The following MIPEP variants were observed in gnomAD, a reference collection of about 807,000 sequenced individuals.
MIPEP encodes mitochondrial intermediate peptidase.
Under a neutral mutation model 90.3 loss-of-function variants are expected in MIPEP, and 79 were observed. The ratio of observed to expected loss-of-function variants is 0.87; its 90% CI spans 0.73 to 1.05. The LOEUF (loss-of-function observed/expected upper bound fraction) is 1.05. MIPEP is among the 50% of genes least tolerant of loss of function. The pLI, the probability that MIPEP is intolerant of heterozygous loss-of-function variation, is 0.00. For synonymous variants in MIPEP, 334 were observed against 315.8 expected, an observed-to-expected ratio of 1.06 and a Z score of -0.61; for missense variants, 940 against 905.6, an observed-to-expected ratio of 1.04 and a Z score of -0.49.
In MIPEP at chr13:23,843,636, G is replaced by A. The variant is rs184526677; in HGVS notation, c.1107-2148C>T. 3.9e-5 allele frequency among the ~76,000 whole-genome samples: 6 copies of A among 152,318 alleles called. No homozygotes were observed. In the East Asian group the frequency reaches 1.2e-3, roughly 29 times the overall value. ...TGGGAGACAGCTTCTGTAGGCCATA[G>A]GGGAGCATCTGATGTTTTCTGGAAT... On this transcript the variant is annotated intron_variant, in intron 10 of 18. Coordinates refer to ENST00000382172, the MANE Select transcript of MIPEP (RefSeq NM_005932.4).
chr13:23,813,938 TAAAG>T (rs1331521198), intron 14 of MIPEP, among the ~76,000 whole-genome samples: 2 of 152,178 alleles, frequency 1.3e-5, no homozygotes, highest in Admixed American at 6.5e-5. Flanking sequence ...TTTGCTACAT[TAAAG>T]AAACAGAATT....
intron 10 of MIPEP, among the ~76,000 whole-genome samples, chr13:23,848,981 C>T (rs1869678383): frequency 6.6e-6 from 1 of 152,186 alleles, no homozygotes; most frequent in Non-Finnish European, 1.5e-5. Context: ...CCCACATGAC[C>T]AGCCAGTCAG....
intron 16 of MIPEP, among the ~76,000 whole-genome samples, chr13:23,775,882 C>G (rs1212969033): frequency 6.6e-6 from 1 of 152,118 alleles, no homozygotes. Flanking sequence ...AATGAAACAA[C>G]TAAACTCTGG....
chr13:23,873,487 A>C (rs895199813), intron 5 of MIPEP, among the ~76,000 whole-genome samples: 1 of 152,222 alleles, frequency 6.6e-6, no homozygotes, highest in Non-Finnish European at 1.5e-5. Context: ...CTTGGTCTAA[A>C]AAAAGCCAGG....
At position 23,758,170 on chromosome 13, in the gene MIPEP, G is replaced by A. The variant is rs1430183163; in HGVS notation, c.1971-1552C>T. ...GGCTGAGGGGCCCTGCCTGACTCCC[G>A]ACCTGGGGTGCTCTGAGGCCCTTCT... On this transcript the variant is annotated intron_variant, in intron 17 of 18. Transcript: ENST00000382172. 3.3e-5 allele frequency among the ~76,000 whole-genome samples: 5 copies of A among 152,250 alleles called. No individual in the cohort carries two copies. In the East Asian group the frequency reaches 5.8e-4, roughly 18 times the overall value.
intron 5 of MIPEP, among the ~76,000 whole-genome samples, chr13:23,872,830 A>C (rs1381742629): frequency 1.3e-5 from 2 of 152,226 alleles, no homozygotes; most frequent in Non-Finnish European, 2.9e-5. Context: ...GGATACATTA[A>C]AACTATTCAC....
chr13:23,816,243 G>A (rs944505216), intron 14 of MIPEP, among the ~76,000 whole-genome samples: 1 of 151,990 alleles, frequency 6.6e-6, no homozygotes, highest in Non-Finnish European at 1.5e-5. Context: ...TATTTCTCCG[G>A]CCTTGTTATT....
chr13:23,835,024 CTT>C (rs57093490), intron 14 of MIPEP, among the ~76,000 whole-genome samples: 6 of 134,790 alleles, frequency 4.5e-5, no homozygotes, highest in Admixed American at 7.6e-5. Context: ...ATCCATTATT[CTT>C]TTTTTTTTTT....
intron 7 of MIPEP, among the ~76,000 whole-genome samples, chr13:23,865,959 C>T (rs1273147459): frequency 6.6e-6 from 1 of 152,118 alleles, no homozygotes; most frequent in Non-Finnish European, 1.5e-5. Context: ...GCATGAGACA[C>T]CACATCTGGC....
intron 14 of MIPEP, among the ~76,000 whole-genome samples, chr13:23,823,515 A>G (rs1021968251): frequency 6.6e-6 from 1 of 152,150 alleles, no homozygotes; most frequent in African/African-American, 2.4e-5. Flanking sequence ...GTGATCAATA[A>G]TAGCACTCCT....
At chr13:23,887,651 G>A (rs1251106582) in intron 1 of MIPEP, among the ~76,000 whole-genome samples, 1 of 152,074 alleles carries the variant, frequency 6.6e-6, no homozygotes, top group Non-Finnish European at 1.5e-5. Context: ...ACACATGGGG[G>A]AACTCAATGA....
At chr13:23,885,153 A>T (rs1871422534) in intron 2 of MIPEP, among the ~76,000 whole-genome samples, 1 of 152,258 alleles carries the variant, frequency 6.6e-6, no homozygotes, top group African/African-American at 2.4e-5. Flanking sequence ...ATTTTCAACA[A>T]CATGGATGGT....
chr13:23,776,283 A>G (rs1593147299), intron 16 of MIPEP, among the ~76,000 whole-genome samples: 1 of 152,258 alleles, frequency 6.6e-6, no homozygotes, highest in Middle Eastern at 3.4e-3. Flanking sequence ...CCCAAACAAC[A>G]GCCCCTCCCT....
chr13:23,881,972 T>C (rs1871288749), intron 2 of MIPEP, among the ~76,000 whole-genome samples, 185 bp from the exon 3 acceptor site: 1 of 152,220 alleles, frequency 6.6e-6, no homozygotes, highest in Non-Finnish European at 1.5e-5. Context: ...AATTCTGTTA[T>C]TCCTTGAAAC....
Position 23,837,625 on chromosome 13 carries a change from C to T in MIPEP, c.1470G>A (p.Met490Ile). 6.2e-7 allele frequency: 1 copy of T among 1,614,090 alleles called. No individual in the cohort carries two copies. Among genetic ancestry groups the T allele is most frequent in the African/African-American group, 1.3e-5 (1 of 75,034 alleles). Residue 490 changes from methionine to isoleucine, a missense_variant, in exon 13 of 19, where the codon ATG becomes ATA. By Grantham distance (10) the Met-to-Ile change is conservative. Coordinates refer to ENST00000382172, the MANE Select transcript of MIPEP (RefSeq NM_005932.4). ...GTCCCATTTCATGGAAAAGATTTTC[C>T]ATCATGCTAGGAGTTAGCAAAGTTG... ...SSPTLLTPSM[M>I]ENLFHEMGHA...
chr13:23,880,057 G>A (rs987394148), intron 3 of MIPEP, among the ~76,000 whole-genome samples: 3 of 152,124 alleles, frequency 2.0e-5, no homozygotes, highest in African/African-American at 7.2e-5. Flanking sequence ...TCTGCACCCT[G>A]CTGGGTAGGT....
intron 16 of MIPEP, among the ~76,000 whole-genome samples, chr13:23,789,765 C>T (rs1011568187): frequency 1.3e-5 from 2 of 152,210 alleles, no homozygotes; most frequent in African/African-American, 4.8e-5. Context: ...TTTCCTCATC[C>T]TACGCCCTCG....
At chr13:23,844,299 A>G (rs1051545482) in intron 10 of MIPEP, among the ~76,000 whole-genome samples, 2 of 152,158 alleles carry the variant, frequency 1.3e-5, no homozygotes, top group African/African-American at 4.8e-5. Context: ...GGGAGAAAAT[A>G]AACTATAAAA....
rs757135769 is a variant in MIPEP, at chr13:23,772,478, C to T, written c.1849-12261G>A. ...GTATTCACTATAAATAATGCTGCTG[C>T]GCTGAAGTATTCTTACAATTATTAG... On this transcript the variant is annotated intron_variant, in intron 16 of 18. Coordinates refer to ENST00000382172, the MANE Select transcript of MIPEP (RefSeq NM_005932.4). 3.9e-5 allele frequency among the ~76,000 whole-genome samples: 6 copies of T among 152,102 alleles called. 1 individual carries two copies. In the South Asian group the frequency reaches 8.3e-4, roughly 21 times the overall value.
Sources: gnomAD v4.1 joint callset for allele counts (sites outside exome capture counted in the v4.1 genomes callset) on GRCh38, gnomAD v4.1.1 for gene constraint, MANE v1.5 for transcripts, NCBI Gene and HGNC (gene_info 2026-07-23, HGNC 2026-07-21) for gene names.